The following PRR5L variants were observed in gnomAD, a reference collection of about 807,000 sequenced individuals.
The protein encoded by PRR5L is proline-rich protein 5-like.
In PRR5L, 21 loss-of-function variants were observed where a neutral mutation model predicts 36.4. The observed-to-expected ratio is 0.58, with a 90% CI of 0.41 to 0.83. PRR5L has a LOEUF of 0.83. Ranked by LOEUF, PRR5L falls within the 40% of genes least tolerant of loss-of-function variation. The pLI is 0.00. For synonymous variants in PRR5L, 188 were observed against 197.0 expected (o/e 0.95, Z 0.38); for missense variants, 381 against 473.3 (o/e 0.80, Z 1.81).
intron 1 of PRR5L, among the ~76,000 whole-genome samples, chr11:36,334,598 T>C (rs1442415299): frequency 2.6e-5 from 4 of 152,250 alleles, no homozygotes; most frequent in African/African-American, 7.2e-5. Context: ...TCTTTATCCT[T>C]TGGCTTTTGG....
At chr11:36,333,287 G>A (rs985920091) in intron 1 of PRR5L, among the ~76,000 whole-genome samples, 2 of 152,124 alleles carry the variant, frequency 1.3e-5, no homozygotes, top group Non-Finnish European at 2.9e-5. Flanking sequence ...CTGCTCGTGG[G>A]GATGGAAAAT....
chr11:36,364,388 G>A (rs982577226), intron 1 of PRR5L, among the ~76,000 whole-genome samples: 4 of 152,182 alleles, frequency 2.6e-5, no homozygotes, highest in African/African-American at 9.7e-5. Flanking sequence ...GTTAAATGCA[G>A]AGATTTGGGG....
chr11:36,407,935 A>G (rs1300865332), intron 3 of PRR5L, among the ~76,000 whole-genome samples: 2 of 152,206 alleles, frequency 1.3e-5, no homozygotes, highest in African/African-American at 2.4e-5. Context: ...GTCAAATTCT[A>G]AAACACAGTA....
chr11:36,328,631 C>A (rs1856689032), intron 1 of PRR5L, among the ~76,000 whole-genome samples: 1 of 152,114 alleles, frequency 6.6e-6, no homozygotes, highest in Admixed American at 6.5e-5. Flanking sequence ...TTAGAAATTA[C>A]CCAGTCTCAG....
intron 7 of PRR5L, among the ~76,000 whole-genome samples, chr11:36,447,800 G>A (rs1226281172): frequency 1.3e-5 from 2 of 152,204 alleles, no homozygotes; most frequent in Non-Finnish European, 2.9e-5. Context: ...GAGGGTGGGT[G>A]TAATTGGCCG....
intron 4 of PRR5L, among the ~76,000 whole-genome samples, chr11:36,428,515 G>A (rs937198611): frequency 4.6e-5 from 7 of 152,142 alleles, no homozygotes; most frequent in Non-Finnish European, 7.4e-5. Flanking sequence ...ATGAATGGAT[G>A]GGCACAGCTC....
At position 36,314,033 on chromosome 11, in the gene PRR5L, G is replaced by A. The variant is rs76266833; in HGVS notation, c.-126+17595G>A. Among the ~76,000 whole-genome samples the A allele has an allele frequency of 4.1e-3, 631 of 152,276 alleles. 11 individuals are homozygous for A. The East Asian group carries it at 0.061, about 15-fold the overall frequency. ...TCAATTTCTCTGATGTAAAATGGTG[G>A]TTACAATATCTCTACTTCACAGTAT... On this transcript the variant is annotated intron_variant, in intron 1 of 8. Coordinates refer to ENST00000530639, the MANE Select transcript of PRR5L (RefSeq NM_001160167.2).
chr11:36,443,759 A>C (rs552499538), intron 6 of PRR5L, among the ~76,000 whole-genome samples: 2 of 152,320 alleles, frequency 1.3e-5, no homozygotes, highest in Non-Finnish European at 2.9e-5. Flanking sequence ...TGAGCAGATG[A>C]GTTGACAATG....
chr11:36,409,186 G>T lies in PRR5L; in HGVS notation c.245+5808G>T, dbSNP rs182001925. ...GAAGTGGGAGCAGGCAGAAAGGGCAGTTGAGGATCTAACGTTCTTGCCACC... is the reference window on the plus strand; with the variant it reads ...GAAGTGGGAGCAGGCAGAAAGGGCATTTGAGGATCTAACGTTCTTGCCACC... On this transcript the variant is annotated intron_variant, in intron 3 of 8. Transcript: ENST00000530639. Among the ~76,000 whole-genome samples, 106 of 152,316 alleles carry T rather than the reference G, an allele frequency of 7.0e-4. No homozygotes were observed. In the East Asian group the frequency reaches 0.015, roughly 21 times the overall value.
intron 1 of PRR5L, among the ~76,000 whole-genome samples, chr11:36,308,185 T>C (rs976519227): frequency 1.3e-5 from 2 of 152,212 alleles, no homozygotes; most frequent in East Asian, 1.9e-4. Context: ...GTATCCAGCA[T>C]TGGTAGAGAC....
chr11:36,402,909 T>C (rs1019826766), intron 2 of PRR5L, among the ~76,000 whole-genome samples: 3 of 152,226 alleles, frequency 2.0e-5, no homozygotes, highest in Admixed American at 6.5e-5. Flanking sequence ...CAAGCTTCCC[T>C]GTGAAGACAG....
At chr11:36,325,349 G>A (rs929961559) in intron 1 of PRR5L, among the ~76,000 whole-genome samples, 1 of 152,252 alleles carries the variant, frequency 6.6e-6, no homozygotes, top group Non-Finnish European at 1.5e-5. Context: ...GTCAGCGGCA[G>A]GTCTGCCACG....
intron 1 of PRR5L, among the ~76,000 whole-genome samples, chr11:36,350,438 G>T (rs1478659074): frequency 2.0e-5 from 3 of 151,994 alleles, no homozygotes; most frequent in African/African-American, 7.3e-5. Flanking sequence ...TAAAGGTAAA[G>T]ATAAAGCTTG....
chr11:36,438,822 G>A (rs139671535), intron 6 of PRR5L, among the ~76,000 whole-genome samples: 1 of 151,918 alleles, frequency 6.6e-6, no homozygotes, highest in African/African-American at 2.4e-5. Flanking sequence ...GTAGTCTCAG[G>A]TACTAGGGAA....
At chr11:36,428,348 G>T (rs995175827) in intron 4 of PRR5L, among the ~76,000 whole-genome samples, 1 of 152,220 alleles carries the variant, frequency 6.6e-6, no homozygotes, top group Admixed American at 6.5e-5. Flanking sequence ...AGAATCAACT[G>T]CAGAGCACCC....
At chr11:36,367,416 C>T (rs1203477189) in intron 1 of PRR5L, among the ~76,000 whole-genome samples, 4 of 152,150 alleles carry the variant, frequency 2.6e-5, no homozygotes, top group Admixed American at 1.3e-4. Flanking sequence ...GTATTTCACA[C>T]GGCTCTCCTA....
intron 1 of PRR5L, among the ~76,000 whole-genome samples, chr11:36,346,548 A>G (rs754506346): frequency 1.3e-5 from 2 of 152,082 alleles, no homozygotes; most frequent in Non-Finnish European, 2.9e-5. Context: ...GCGCCACTGC[A>G]CTTCAGCCTG....
chr11:36,310,561 A>G (rs1487899885), intron 1 of PRR5L, among the ~76,000 whole-genome samples: 1 of 152,202 alleles, frequency 6.6e-6, no homozygotes, highest in African/African-American at 2.4e-5. Flanking sequence ...AATTGTCAAG[A>G]AAATTACCCA....
chr11:36,401,381 G>T (rs1428798648), intron 2 of PRR5L, 96 bp downstream of exon 2: 1 of 1,241,808 alleles, frequency 8.1e-7, no homozygotes, highest in Non-Finnish European at 1.1e-6. Context: ...CTGATTCTGG[G>T]AAGGCCGTGA....
Sources: allele counts gnomAD v4.1 joint callset (sites outside exome capture counted in the v4.1 genomes callset), GRCh38; gene constraint gnomAD v4.1.1; transcripts MANE v1.5; gene names NCBI Gene and HGNC (gene_info 2026-07-23, HGNC 2026-07-21).